Variants in SUMF2 observed in about 807,000 individuals in gnomAD.
SUMF2 encodes the protein inactive C-alpha-formylglycine-generating enzyme 2.
In SUMF2, 45 loss-of-function variants were observed where a neutral mutation model predicts 44.8. The ratio of observed to expected loss-of-function variants is 1.00; its 90% CI spans 0.79 to 1.29. SUMF2 has a LOEUF of 1.29. Among genes scored for constraint, SUMF2 ranks in the 50% most tolerant of loss-of-function variants. The probability of loss-of-function intolerance (pLI) is 0.00; values close to 1 mark genes in which losing one functional copy is unlikely to be tolerated. For missense variants in SUMF2, 418 were observed against 389.9 expected, an observed-to-expected ratio of 1.07 and a Z score of -0.61; for synonymous variants, 148 against 150.4, an observed-to-expected ratio of 0.98 and a Z score of 0.12.
chr7:56,076,028 ATTT>A (rs71015183), intron 5 of SUMF2, among the ~76,000 whole-genome samples: 8 of 125,342 alleles, frequency 6.4e-5, no homozygotes, highest in Admixed American at 2.5e-4. Context: ...ATGCCCGGCT[ATTT>A]TTTTTTTTTT....
In SUMF2 at chr7:56,065,662, G is replaced by C. The variant is rs534215388; in HGVS notation, c.67+1284G>C. On this transcript the variant is annotated intron_variant, in intron 1 of 8. Transcript: ENST00000434526. Reference sequence around the variant, plus strand: ...ACGTGTTGCCCAGGCTGGAGTGAATGGTTCCATCATAGCTGACTGCAGCCT... The same window carrying C: ...ACGTGTTGCCCAGGCTGGAGTGAATCGTTCCATCATAGCTGACTGCAGCCT... Among the ~76,000 whole-genome samples, 3 of 152,108 alleles carry C rather than the reference G, an allele frequency of 2.0e-5. No individual in the cohort carries two copies. In the South Asian group the frequency reaches 6.2e-4, roughly 32 times the overall value.
At chr7:56,084,444 G>T (rs1289400442), downstream of SUMF2, among the ~76,000 whole-genome samples, 4 of 150,382 alleles carry the variant, frequency 2.7e-5, no homozygotes, top group Admixed American at 2.7e-4. Context: ...TGCAATCTCG[G>T]CTCACTGCAA....
chr7:56,075,757 T>C (rs2117470963), intron 5 of SUMF2, among the ~76,000 whole-genome samples: 1 of 151,682 alleles, frequency 6.6e-6, no homozygotes. Context: ...CATTCTGCAA[T>C]CCTAATTACA....
At chr7:56,087,239 A>ATTG in the SUMF2 span, among the ~76,000 whole-genome samples, 1 of 145,562 alleles carries the variant, frequency 6.9e-6, no homozygotes, top group African/African-American at 2.5e-5. Flanking sequence ...TATTATTATT[A>ATTG]GAGACAGGAT....
At chr7:56,065,322 C>T (rs185506668) in intron 1 of SUMF2, among the ~76,000 whole-genome samples, 17 of 152,298 alleles carry the variant, frequency 1.1e-4, no homozygotes, top group African/African-American at 3.1e-4. Flanking sequence ...CACACTCCCC[C>T]TCTCCTGGAG....
downstream of SUMF2, chr7:56,080,864 G>A (rs554854696): frequency 1.5e-4 from 98 of 664,300 alleles, no homozygotes; most frequent in African/African-American, 1.7e-3. Flanking sequence ...AGGTATTGCT[G>A]TGTGGTGGGA....
intron 2 of SUMF2, 47 bp downstream of exon 2, chr7:56,068,685 C>T: frequency 7.2e-6 from 11 of 1,527,194 alleles, no homozygotes; most frequent in Non-Finnish European, 9.7e-6. Context: ...TCTCTAATCT[C>T]ATTCTTTTTT....
Position 56,074,194 on chromosome 7 carries a change from A to G in SUMF2, c.360A>G (p.Pro120=), listed in dbSNP as rs1795376960. 6.8e-6 allele frequency: 11 copies of G among 1,613,688 alleles called. No homozygotes were observed. The highest frequency in any genetic ancestry group is 9.3e-6 in the Non-Finnish European group (11 of 1,179,992). The change falls in exon 4 of 9, where the codon CCA becomes CCG. Residue 120 remains proline, a synonymous_variant. Coordinates refer to ENST00000434526, the MANE Select transcript of SUMF2 (RefSeq NM_015411.4). ...CGCAGTCTGTACTCTGGTGGCTTCC[A>G]GTGGAAAAGGCATTTTGGAGGCAGG... ...QPMKSVLWWL[P]VEKAFWRQPA... is the part of the protein sequence containing the mutation.
downstream of SUMF2, chr7:56,081,780 G>A (rs781678431): frequency 1.6e-5 from 26 of 1,609,876 alleles, no homozygotes; most frequent in African/African-American, 2.5e-4. The surrounding 1 kb of genome is among the most constrained non-coding windows in gnomAD (Gnocchi z 4.6). Context: ...GAGGGGAACC[G>A]AGAATGTCAA....
chr7:56,076,088 G>A (rs1315906825), intron 5 of SUMF2, among the ~76,000 whole-genome samples: 3 of 141,886 alleles, frequency 2.1e-5, no homozygotes, highest in East Asian at 2.1e-4. Context: ...GTATGGTGGC[G>A]CGATCGCGGC....
At chr7:56,075,847 G>A (rs1027139118) in intron 5 of SUMF2, among the ~76,000 whole-genome samples, 1 of 152,046 alleles carries the variant, frequency 6.6e-6, no homozygotes, top group African/African-American at 2.4e-5. Context: ...AGGTACATCA[G>A]TGATCAAAGT....
At chr7:56,074,885 G>T in intron 5 of SUMF2, 149 bp downstream of exon 5, 5 of 976,222 alleles carry the variant, frequency 5.1e-6, no homozygotes, top group African/African-American at 1.6e-5. Flanking sequence ...ATCGCTTGAG[G>T]CCAGGAGTAA....
Position 56,074,722 on chromosome 7 carries a change from G to A in SUMF2, c.521G>A (p.Arg174Gln), listed in dbSNP as rs141313937. Residue 174 changes from arginine (R) to glutamine (Q), a missense_variant, in exon 5 of 9, where the codon CGA becomes CAA. Coordinates refer to ENST00000434526, the MANE Select transcript of SUMF2 (RefSeq NM_015411.4). ...PTEEEWEFAA[R>Q]GGLKGQVYPW... ...GAGGAAGAGTGGGAGTTTGCCGCCCGAGGGGGCTTGAAGGGTATCCAGATG... is the reference window on the plus strand; with the variant it reads ...GAGGAAGAGTGGGAGTTTGCCGCCCAAGGGGGCTTGAAGGGTATCCAGATG... 110 of 1,614,126 alleles carry A rather than the reference G, an allele frequency of 6.8e-5. No homozygotes were observed. In the African/African-American group the frequency reaches 1.2e-3, roughly 18 times the overall value.
At chr7:56,064,487 A>T (rs1794610670) in intron 1 of SUMF2, 109 bp downstream of exon 1, 2 of 1,439,572 alleles carry the variant, frequency 1.4e-6, no homozygotes, top group Non-Finnish European at 1.8e-6. Flanking sequence ...ATGCGGCTGC[A>T]GCGGCAGGCT....
chr7:56,084,145 G>A (rs906635287), downstream of SUMF2: 12 of 1,510,724 alleles, frequency 7.9e-6, no homozygotes, highest in Middle Eastern at 1.7e-4. Flanking sequence ...CCTGTGAGCA[G>A]TACCTTGCCC....
chr7:56,072,255 A>G (rs1056552532), intron 2 of SUMF2, among the ~76,000 whole-genome samples: 55 of 149,366 alleles, frequency 3.7e-4, no homozygotes, highest in African/African-American at 1.3e-3. Context: ...GCGAAACCCT[A>G]TCTTTACAAA....
At position 56,076,833 on chromosome 7, in the gene SUMF2, G is replaced by C. The variant is rs1376701315; in HGVS notation, c.536-1G>C. 1 of 1,595,898 alleles carries C rather than the reference G, an allele frequency of 6.3e-7. No individual in the cohort carries two copies. Among genetic ancestry groups the C allele is most frequent in the South Asian group, 1.1e-5 (1 of 88,334 alleles). On this transcript the variant is annotated splice_acceptor_variant, in intron 5 of 8. Transcript: ENST00000434526. LOFTEE classifies it high-confidence loss of function. Reference sequence around the variant, plus strand: ...CTGCTGCCTCCTTGCTCTCCTCGCAGGTCAAGTTTACCCATGGGGGAACTG... The same window carrying C: ...CTGCTGCCTCCTTGCTCTCCTCGCACGTCAAGTTTACCCATGGGGGAACTG...
intron 1 of SUMF2, among the ~76,000 whole-genome samples, chr7:56,065,247 C>A (rs1217056893): frequency 6.6e-6 from 1 of 151,902 alleles, no homozygotes; most frequent in Non-Finnish European, 1.5e-5. Flanking sequence ...ACGACCCCCG[C>A]CCCCACGTAC....
downstream of SUMF2, chr7:56,081,135 C>G: frequency 6.2e-7 from 1 of 1,613,868 alleles, no homozygotes; most frequent in Non-Finnish European, 8.5e-7. This position sits in a 1 kb window ranked among gnomAD's most constrained non-coding sequence, Gnocchi z 4.6. Flanking sequence ...GCTGCTGCCC[C>G]TTCTTCACCC....
Sources: gnomAD v4.1 joint callset for allele counts (sites outside exome capture counted in the v4.1 genomes callset) on GRCh38, gnomAD v4.1.1 for gene constraint, Gnocchi (gnomAD v3.1) non-coding constraint, MANE v1.5 for transcripts, NCBI Gene and HGNC (gene_info 2026-07-23, HGNC 2026-07-21) for gene names.